The following NKAIN2 variants were observed in gnomAD, a reference collection of about 807,000 sequenced individuals.
The protein encoded by NKAIN2 is sodium/potassium transporting ATPase interacting 2.
In NKAIN2, 14 loss-of-function variants were observed where a neutral mutation model predicts 32.6. The ratio of observed to expected loss-of-function variants is 0.43; its 90% CI spans 0.28 to 0.67. The LOEUF is 0.67. Ranked by LOEUF, NKAIN2 falls within the 30% of genes least tolerant of loss-of-function variation. NKAIN2 has a pLI of 0.17. For missense variants in NKAIN2, 198 were observed against 258.3 expected (o/e 0.77, Z 1.60); for synonymous variants, 80 against 87.2 (o/e 0.92, Z 0.46).
chr6:124,678,114 T>C lies in NKAIN2; in HGVS notation c.474+19728T>C, dbSNP rs193110709. On this transcript the variant is annotated intron_variant, in intron 4 of 6. Coordinates refer to ENST00000368417, the MANE Select transcript of NKAIN2 (RefSeq NM_001040214.3). ...TAGAAACTACCTTGTATGTGATGTC[T>C]CTTTTTTCGTGCTACTTTCAAAATT... Among the ~76,000 whole-genome samples, 15 of 152,248 alleles carry C rather than the reference T, an allele frequency of 9.9e-5. No individual in the cohort carries two copies. The South Asian group carries it at 1.2e-3, about 13-fold the overall frequency.
At chr6:124,707,692 GT>G (rs1038985862) in intron 4 of NKAIN2, among the ~76,000 whole-genome samples, 1 of 151,504 alleles carries the variant, frequency 6.6e-6, no homozygotes, top group Non-Finnish European at 1.5e-5. Flanking sequence ...GGGGTTGTTT[GT>G]TTTTTTCTTG....
In NKAIN2 at chr6:124,511,155, GTTGACT is replaced by G. The variant is rs1562229795; in HGVS notation, c.274-147029_274-147024del. Among the ~76,000 whole-genome samples, 5 of 152,234 alleles carry G rather than the reference GTTGACT, an allele frequency of 3.3e-5. No individual in the cohort carries two copies. The South Asian group carries it at 8.3e-4, about 25-fold the overall frequency. ...CTGAGTCCTTGGCAAGAAAAATGTA[GTTGACT>G]TATAGGTTATTTCCAGAGATTGGTT... On this transcript the variant is annotated intron_variant, in intron 3 of 6. Transcript: ENST00000368417.
intron 5 of NKAIN2, among the ~76,000 whole-genome samples, chr6:124,812,499 C>CAACAAAT: frequency 6.6e-6 from 1 of 152,032 alleles, no homozygotes; most frequent in Non-Finnish European, 1.5e-5. Context: ...TGGAGGAAAT[C>CAACAAAT]AACAAATAAA....
chr6:124,352,042 A>G (rs1046985899), intron 2 of NKAIN2, among the ~76,000 whole-genome samples: 1 of 152,216 alleles, frequency 6.6e-6, no homozygotes, highest in Non-Finnish European at 1.5e-5. Flanking sequence ...TTCCATTCCC[A>G]TACAAGCCAT....
intron 4 of NKAIN2, among the ~76,000 whole-genome samples, chr6:124,687,279 G>GAGAATATATATATTCTATATAT (rs1773958333): frequency 3.7e-5 from 5 of 135,532 alleles, no homozygotes; most frequent in African/African-American, 1.5e-4. Flanking sequence ...TATATATAGA[G>GAGAATATATATATTCTATATAT]AGAGAATATA....
At chr6:124,331,796 T>C (rs1413915749) in intron 2 of NKAIN2, among the ~76,000 whole-genome samples, 2 of 152,308 alleles carry the variant, frequency 1.3e-5, no homozygotes, top group Admixed American at 6.5e-5. Flanking sequence ...AGTAGAGTAT[T>C]CTAAATACCT....
At chr6:124,181,223 G>A (rs977481838) in intron 1 of NKAIN2, among the ~76,000 whole-genome samples, 1 of 152,158 alleles carries the variant, frequency 6.6e-6, no homozygotes, top group Non-Finnish European at 1.5e-5. Flanking sequence ...CTGGGATGCA[G>A]GGCATCAAGT....
intron 1 of NKAIN2, among the ~76,000 whole-genome samples, chr6:124,138,865 G>A (rs2114315816): frequency 6.6e-6 from 1 of 150,898 alleles, no homozygotes; most frequent in East Asian, 1.9e-4. Context: ...TTAAGTGGGA[G>A]CTAAGTTATG....
intron 1 of NKAIN2, among the ~76,000 whole-genome samples, chr6:124,164,734 G>A (rs1263590729): frequency 2.0e-5 from 3 of 151,940 alleles, no homozygotes; most frequent in East Asian, 1.9e-4. Context: ...ACTGGCGGTC[G>A]TATTACAAAA....
intron 1 of NKAIN2, among the ~76,000 whole-genome samples, chr6:124,269,816 A>G (rs550700194): frequency 2.0e-5 from 3 of 152,174 alleles, no homozygotes; most frequent in South Asian, 2.1e-4. Flanking sequence ...CTGCCAGTAC[A>G]TGGTAGCGAT....
At chr6:123,880,528 G>C (rs889069980) in intron 1 of NKAIN2, among the ~76,000 whole-genome samples, 2 of 152,120 alleles carry the variant, frequency 1.3e-5, no homozygotes, top group Non-Finnish European at 2.9e-5. Flanking sequence ...GGAGAGAATG[G>C]ATGGTCCACT....
At chr6:123,855,244 G>C (rs1366704129) in intron 1 of NKAIN2, among the ~76,000 whole-genome samples, 1 of 151,982 alleles carries the variant, frequency 6.6e-6, no homozygotes, top group African/African-American at 2.4e-5. Flanking sequence ...TTAAAATATT[G>C]TGAACAAATA....
chr6:124,036,477 A>T (rs138174713), intron 1 of NKAIN2, among the ~76,000 whole-genome samples: 1 of 152,128 alleles, frequency 6.6e-6, no homozygotes, highest in Non-Finnish European at 1.5e-5. Flanking sequence ...AAAGTGAAAA[A>T]GTTCCTTTCC....
chr6:124,154,563 C>T (rs547138788), intron 1 of NKAIN2, among the ~76,000 whole-genome samples: 6 of 151,966 alleles, frequency 3.9e-5, no homozygotes, highest in African/African-American at 9.6e-5. Flanking sequence ...TTTTTATGTA[C>T]GTATTCTAGC....
chr6:124,151,955 T>C (rs1787747699), intron 1 of NKAIN2, among the ~76,000 whole-genome samples: 2 of 151,958 alleles, frequency 1.3e-5, no homozygotes, highest in African/African-American at 4.8e-5. Context: ...ATAATAGATA[T>C]ATTTACTTTT....
intron 1 of NKAIN2, among the ~76,000 whole-genome samples, chr6:124,208,768 ATT>A (rs1216112013): frequency 3.5e-5 from 1 of 28,478 alleles, no homozygotes; most frequent in Non-Finnish European, 1.7e-4. Context: ...GCAGAAAAAT[ATT>A]TATTTATTTA....
chr6:124,703,287 A>AATG (rs1309167738), intron 4 of NKAIN2, among the ~76,000 whole-genome samples: 201 of 152,072 alleles, frequency 1.3e-3, no homozygotes, highest in African/African-American at 4.8e-3. Context: ...AAAAAACAAC[A>AATG]AAAAAACAAA....
intron 3 of NKAIN2, among the ~76,000 whole-genome samples, chr6:124,646,081 G>A (rs1784155398): frequency 6.6e-6 from 1 of 152,038 alleles, no homozygotes; most frequent in Non-Finnish European, 1.5e-5. Flanking sequence ...TAAGGGGAAG[G>A]AATATTGTTT....
At chr6:124,047,551 A>T (rs1374682242) in intron 1 of NKAIN2, among the ~76,000 whole-genome samples, 1 of 151,960 alleles carries the variant, frequency 6.6e-6, no homozygotes, top group Admixed American at 6.6e-5. Context: ...TAGGAGATAG[A>T]TAGGGCTTCC....
Sources: gnomAD v4.1 joint callset for allele counts (sites outside exome capture counted in the v4.1 genomes callset) on GRCh38, gnomAD v4.1.1 for gene constraint, MANE v1.5 for transcripts, NCBI Gene and HGNC (gene_info 2026-07-23, HGNC 2026-07-21) for gene names.